Variants in DSCAML1 observed in about 807,000 individuals in gnomAD.
DSCAML1 encodes cell adhesion molecule DSCAML1.
A neutral mutation model predicts 200.5 loss-of-function variants in DSCAML1; 38 were observed. That is an observed-to-expected ratio of 0.19 (90% CI 0.15 to 0.25). The LOEUF (loss-of-function observed/expected upper bound fraction) is 0.25, where lower values mean the gene tolerates loss of function less well. Ranked by LOEUF, DSCAML1 falls within the 10% of genes least tolerant of loss-of-function variation. The pLI, the probability that DSCAML1 is intolerant of heterozygous loss-of-function variation, is 1.00. For synonymous variants in DSCAML1, 1,215 were observed against 1,165.0 expected, an observed-to-expected ratio of 1.04 and a Z score of -0.87; for missense variants, 2,223 against 2,858.8, an observed-to-expected ratio of 0.78 and a Z score of 5.07.
intron 4 of DSCAML1, among the ~76,000 whole-genome samples, chr11:117,527,054 T>G (rs1232617188): frequency 1.3e-5 from 2 of 152,092 alleles, no homozygotes; most frequent in Non-Finnish European, 1.5e-5. Flanking sequence ...TCCTGGCTAC[T>G]CAGGAGGCTG....
intron 3 of DSCAML1, among the ~76,000 whole-genome samples, chr11:117,606,885 G>C (rs911500670): frequency 2.6e-5 from 4 of 152,220 alleles, no homozygotes; most frequent in Admixed American, 2.0e-4. Context: ...CACAGAAGGA[G>C]GGTGACATTT....
chr11:117,785,302 G>C (rs139267632), intron 1 of DSCAML1, among the ~76,000 whole-genome samples: 139 of 152,330 alleles, frequency 9.1e-4, no homozygotes, highest in African/African-American at 3.3e-3. Context: ...GGGAGGGAAG[G>C]GGAAAGTTAT....
intron 3 of DSCAML1, among the ~76,000 whole-genome samples, chr11:117,766,273 A>G (rs1236561129): frequency 6.6e-6 from 1 of 152,230 alleles, no homozygotes; most frequent in African/African-American, 2.4e-5. Flanking sequence ...TAGCTCTACC[A>G]TTCTGTAAGC....
intron 3 of DSCAML1, among the ~76,000 whole-genome samples, chr11:117,774,720 G>A (rs1204577803): frequency 6.6e-6 from 1 of 152,104 alleles, no homozygotes; most frequent in Admixed American, 6.5e-5. Flanking sequence ...CACTTTATTG[G>A]ATACATTTAT....
intron 11 of DSCAML1, among the ~76,000 whole-genome samples, chr11:117,492,398 CTCT>C (rs1310017188): frequency 2.6e-5 from 4 of 152,142 alleles, no homozygotes; most frequent in Non-Finnish European, 4.4e-5. Context: ...CTTGGATGTC[CTCT>C]TCTTTGCCTT....
intron 1 of DSCAML1, among the ~76,000 whole-genome samples, chr11:117,816,234 G>C (rs1354837315): frequency 6.6e-6 from 1 of 152,194 alleles, no homozygotes; most frequent in Non-Finnish European, 1.5e-5. Flanking sequence ...AGGACACTCG[G>C]GCCCTTCCGT....
intron 3 of DSCAML1, among the ~76,000 whole-genome samples, chr11:117,636,071 C>T (rs1460786435): frequency 2.0e-5 from 3 of 152,172 alleles, no homozygotes; most frequent in African/African-American, 4.8e-5. Flanking sequence ...ACTGGTCCCC[C>T]GACCATCCTG....
At chr11:117,762,650 G>T (rs1420646100) in intron 3 of DSCAML1, among the ~76,000 whole-genome samples, 1 of 152,100 alleles carries the variant, frequency 6.6e-6, no homozygotes, top group Non-Finnish European at 1.5e-5. Context: ...ATCACTTGAG[G>T]TCAGGAGTTT....
rs770269870 is a variant in DSCAML1 at position 117,480,526 on chromosome 11, C to T, written c.2702G>A (p.Arg901Gln). Residue 901 changes from arginine (R) to glutamine (Q), a missense_variant, in exon 14 of 33, where the codon CGG becomes CAG. Arg to Gln is a conservative substitution (Grantham distance 43). Transcript: ENST00000651296. The surrounding 1 kb of genome is among the most constrained non-coding windows in gnomAD (Gnocchi z 4.1). ...CTGGGTCCAGCGCAGGTTCATGCTC[C>T]GGGCCTTCACCTCCCGGATCTCCAG... ...PELEIREVKA[R>Q]SMNLRWTQRF... The T allele has an allele frequency of 1.8e-5, 28 of 1,591,522 alleles. No homozygotes were observed. The highest frequency in any genetic ancestry group is 1.6e-4 in the Middle Eastern group (1 of 6,066).
intron 1 of DSCAML1, among the ~76,000 whole-genome samples, chr11:117,807,332 C>T (rs1458608958): frequency 1.3e-5 from 2 of 152,206 alleles, no homozygotes; most frequent in Non-Finnish European, 2.9e-5. Context: ...CTTGACCAGG[C>T]CTGTCCTAGG....
At chr11:117,685,259 G>A (rs2053385171) in intron 3 of DSCAML1, among the ~76,000 whole-genome samples, 1 of 152,242 alleles carries the variant, frequency 6.6e-6, no homozygotes, top group South Asian at 2.1e-4. Flanking sequence ...ATGAAGCTCA[G>A]ACAGGCTGTG....
intron 14 of DSCAML1, among the ~76,000 whole-genome samples, chr11:117,472,238 T>A (rs1033512498): frequency 6.6e-6 from 1 of 152,192 alleles, no homozygotes; most frequent in Non-Finnish European, 1.5e-5. Context: ...GGGAGAAGCC[T>A]GACTCTCCTC....
rs533288439 is a variant in DSCAML1, at chr11:117,553,868, A to G, written c.512-21346T>C. 1.2e-3 allele frequency among the ~76,000 whole-genome samples: 180 copies of G among 152,374 alleles called. 1 individual carries two copies. Among genetic ancestry groups the G allele is most frequent in the African/African-American group, 4.0e-3 (168 of 41,586 alleles). On this transcript the variant is annotated intron_variant, in intron 3 of 32. Coordinates refer to ENST00000651296, the MANE Select transcript of DSCAML1 (RefSeq NM_020693.4). ...TTTGTACACCCATGCTCGGAGCAGC[A>G]TTATTCACAATAGCCAAAAGGTGGA...
intron 1 of DSCAML1, among the ~76,000 whole-genome samples, chr11:117,793,015 CCTT>C (rs1302571741): frequency 2.0e-5 from 3 of 152,194 alleles, no homozygotes; most frequent in Non-Finnish European, 4.4e-5. Flanking sequence ...CAACAGCAGT[CCTT>C]CTCCCAGCTC....
At chr11:117,490,093 C>G (rs1209174421) in intron 11 of DSCAML1, among the ~76,000 whole-genome samples, 1 of 152,132 alleles carries the variant, frequency 6.6e-6, no homozygotes, top group Non-Finnish European at 1.5e-5. Context: ...GCAGGCACCC[C>G]TCAAAGAGGA....
intron 3 of DSCAML1, among the ~76,000 whole-genome samples, chr11:117,677,243 G>A (rs937378645): frequency 6.6e-6 from 1 of 152,202 alleles, no homozygotes; most frequent in African/African-American, 2.4e-5. Flanking sequence ...TCTAAGAAGA[G>A]GTGCTAGACT....
chr11:117,678,801 G>T (rs998182639), intron 3 of DSCAML1, among the ~76,000 whole-genome samples: 3 of 152,260 alleles, frequency 2.0e-5, no homozygotes, highest in African/African-American at 7.2e-5. Context: ...GAGGAGCAGG[G>T]CGTAGGGCCA....
chr11:117,576,586 C>T (rs1453666603), intron 3 of DSCAML1, among the ~76,000 whole-genome samples: 2 of 152,228 alleles, frequency 1.3e-5, no homozygotes, highest in Non-Finnish European at 2.9e-5. Flanking sequence ...CTCCTAGCAC[C>T]GTGCCTGGCA....
At chr11:117,767,738 CT>C (rs1476157569) in intron 3 of DSCAML1, among the ~76,000 whole-genome samples, 2 of 152,174 alleles carry the variant, frequency 1.3e-5, no homozygotes, top group Non-Finnish European at 2.9e-5. Context: ...GAAGGTTGCA[CT>C]TTGGGTACAG....
Sources: allele counts gnomAD v4.1 joint callset (sites outside exome capture counted in the v4.1 genomes callset), GRCh38; gene constraint gnomAD v4.1.1; non-coding constraint Gnocchi (gnomAD v3.1); transcripts MANE v1.5; gene names NCBI Gene and HGNC (gene_info 2026-07-23, HGNC 2026-07-21).